POTEC: variants seen among roughly 807,000 people sequenced by gnomAD.
POTEC encodes ANKRD26-like family B member 2.
Under a neutral mutation model 62.0 loss-of-function variants are expected in POTEC, and 35 were observed. That is an observed-to-expected ratio of 0.56 (90% confidence interval 0.43 to 0.75). The LOEUF is 0.75. Among genes scored for constraint, POTEC ranks in the 30% least tolerant of loss-of-function variants. POTEC has a pLI of 0.00. For synonymous variants in POTEC, 156 were observed against 221.5 expected, an observed-to-expected ratio of 0.70 and a Z score of 2.62; for missense variants, 472 against 655.9, an observed-to-expected ratio of 0.72 and a Z score of 3.06.
intron 9 of POTEC, among the ~76,000 whole-genome samples, chr18:14,521,591 T>G (rs990511981): frequency 2.0e-5 from 3 of 152,172 alleles, no homozygotes; most frequent in Non-Finnish European, 4.4e-5. Context: ...TACCTACATA[T>G]CCTTACTATG....
Position 14,507,634 on chromosome 18 carries a change from C to CG in POTEC, c.*4263_*4264insC, listed in dbSNP as rs1262205923. Reference sequence around the variant, plus strand: ...ATCCTGTCATCATGCTGTCAGCTGGCTCTTTTGCAGACTTATGTATGTGGT... The same window carrying CG: ...ATCCTGTCATCATGCTGTCAGCTGGCGTCTTTTGCAGACTTATGTATGTGGT... On this transcript the variant is annotated 3_prime_UTR_variant, in exon 11 of 11. Transcript: ENST00000358970. 2.6e-5 allele frequency: 4 copies of CG among 152,160 alleles called. No homozygotes were observed. Among genetic ancestry groups the CG allele is most frequent in the African/African-American group, 9.6e-5 (4 of 41,502 alleles). 9.4% of individuals were successfully genotyped at this position (152,160 alleles called of 1,614,324 possible).
At position 14,537,208 on chromosome 18, in the gene POTEC, CACAA is replaced by C. The variant is rs1292733916; in HGVS notation, c.810+589_810+592del. Among the ~76,000 whole-genome samples the C allele has an allele frequency of 9.1e-3, 685 of 75,184 alleles. 11 individuals carry two copies. The highest frequency in any genetic ancestry group is 0.053 in the African/African-American group (600 of 11,270). The allele number at this position is 75,184 out of a possible 152,430, so 49.3% of individuals were successfully genotyped here. ...ACACACACACACACACACACACACA[CACAA>C]AAAAAAAAAAAAACAAAAAAAAACC... On this transcript the variant is annotated intron_variant, in intron 3 of 10. Coordinates refer to ENST00000358970, the MANE Select transcript of POTEC (RefSeq NM_001137671.2).
chr18:14,524,554 G>C (rs1381619078), intron 7 of POTEC, among the ~76,000 whole-genome samples: 2 of 152,032 alleles, frequency 1.3e-5, no homozygotes, highest in African/African-American at 4.8e-5. Flanking sequence ...ACAAACAAAG[G>C]TCTGGAATAT....
rs559957616 is a variant in POTEC, at chr18:14,510,984, C to G, written c.*914G>C. 6.6e-6 allele frequency: 1 copy of G among 152,312 alleles called. No individual in the cohort carries two copies. The highest frequency in any genetic ancestry group is 2.1e-4 in the South Asian group (1 of 4,822). The allele number at this position is 152,312 out of a possible 1,614,324, so 9.4% of individuals were successfully genotyped here. A position where few individuals can be genotyped will look rare whatever the true frequency, so the allele number is the denominator to read the frequency against. ...GAGACCCTGGTTGAAAGGCTCCACC[C>G]AGTGATTAGAAATGTGGTTGGGGAC... is the stretch of plus-strand genomic sequence containing the variant. On this transcript the variant is annotated 3_prime_UTR_variant, in exon 11 of 11. Coordinates refer to ENST00000358970, the MANE Select transcript of POTEC (RefSeq NM_001137671.2).
chr18:14,530,641 A>T (rs1905479093), intron 5 of POTEC, 88 bp from the exon 6 acceptor site: 4 of 1,020,366 alleles, frequency 3.9e-6, no homozygotes, highest in Non-Finnish European at 5.5e-6. Flanking sequence ...AGAGTATTTC[A>T]AACAATATCA....
chr18:14,522,481 T>G, intron 8 of POTEC, 61 bp from the exon 9 acceptor site: 1 of 1,495,062 alleles, frequency 6.7e-7, no homozygotes, highest in Non-Finnish European at 8.9e-7. Context: ...ATAACCTTTT[T>G]AATTGATTTT....
chr18:14,525,131 A>C (rs1311609585), intron 6 of POTEC, 148 bp from the exon 7 acceptor site: 6 of 1,265,580 alleles, frequency 4.7e-6, no homozygotes, highest in Non-Finnish European at 6.4e-6. Flanking sequence ...CTTAGGAAAT[A>C]ATTCTCCAAA....
intron 9 of POTEC, among the ~76,000 whole-genome samples, chr18:14,514,254 A>G (rs528674271): frequency 6.6e-6 from 1 of 151,982 alleles, no homozygotes; most frequent in Non-Finnish European, 1.5e-5. Flanking sequence ...ATAGGGTTCA[A>G]GTCACACTCC....
intron 3 of POTEC, among the ~76,000 whole-genome samples, chr18:14,536,370 A>G (rs1437178535): frequency 6.6e-6 from 1 of 151,494 alleles, no homozygotes. Context: ...TCAGTGGTTA[A>G]GCAGGAGTGT....
rs1489208568 is a variant in POTEC at position 14,508,068 on chromosome 18, C to T, written c.*3830G>A. On this transcript the variant is annotated 3_prime_UTR_variant, in exon 11 of 11. Transcript: ENST00000358970. Reference sequence around the variant, plus strand: ...TGGGGATGATCTTCTCATGGCATATCTTACTGAGGTTCTCTGGATTTCCTG... The same window carrying T: ...TGGGGATGATCTTCTCATGGCATATTTTACTGAGGTTCTCTGGATTTCCTG... The T allele has an allele frequency of 6.6e-6, 1 of 152,160 alleles. No homozygotes were observed. Among genetic ancestry groups the T allele is most frequent in the African/African-American group, 2.4e-5 (1 of 41,436 alleles). 9.4% of individuals were successfully genotyped at this position (152,160 alleles called of 1,614,324 possible).
chr18:14,529,888 ACTTTT>A lies in POTEC; in HGVS notation c.1126+590_1126+594del, dbSNP rs778138994. On this transcript the variant is annotated intron_variant, in intron 6 of 10. Transcript: ENST00000358970. ...GTTCTTTTGTGATCAAAAATTCCTT[ACTTTT>A]ATTTTTTTATCTACGGTAGGACCAC... Among the ~76,000 whole-genome samples the A allele has an allele frequency of 6.3e-4, 96 of 152,056 alleles. 1 individual carries two copies. In the East Asian group the frequency reaches 0.017, roughly 28 times the overall value.
chr18:14,534,165 A>G (rs1335184819), intron 4 of POTEC, among the ~76,000 whole-genome samples: 3 of 143,192 alleles, frequency 2.1e-5, no homozygotes, highest in Non-Finnish European at 3.0e-5. Context: ...ATGAGTGAGA[A>G]TATGCGGTGT....
chr18:14,518,228 A>G (rs1264788466), intron 9 of POTEC, among the ~76,000 whole-genome samples: 1 of 151,998 alleles, frequency 6.6e-6, no homozygotes, highest in Admixed American at 6.6e-5. Context: ...AAAAATAAAA[A>G]CCCTATTCAT....
At chr18:14,514,433 C>T (rs1266365816) in intron 9 of POTEC, among the ~76,000 whole-genome samples, 1 of 152,146 alleles carries the variant, frequency 6.6e-6, no homozygotes, top group African/African-American at 2.4e-5. Flanking sequence ...GGTCTGTGGC[C>T]TGGGGATTGG....
chr18:14,542,593 T>C (rs1305149084), intron 1 of POTEC, 33 bp downstream of exon 1: 3 of 1,611,802 alleles, frequency 1.9e-6, no homozygotes, highest in Non-Finnish European at 2.5e-6. Context: ...CATCCCCCCA[T>C]GTCCCGCCTC....
intron 6 of POTEC, chr18:14,529,008 T>C (rs1910510914): frequency 1.5e-5 from 7 of 454,486 alleles, no homozygotes; most frequent in South Asian, 1.1e-4. Flanking sequence ...TCTTGTTGCA[T>C]GTTCCTTCTG....
chr18:14,526,312 T>C (rs1278569698), intron 6 of POTEC, among the ~76,000 whole-genome samples: 1 of 152,146 alleles, frequency 6.6e-6, no homozygotes. Context: ...CACTGATTTT[T>C]CTACTGCACC....
intron 9 of POTEC, 90 bp from the exon 10 acceptor site, chr18:14,513,875 A>T: frequency 6.3e-7 from 1 of 1,590,874 alleles, no homozygotes. Context: ...TCATTCACAC[A>T]ATGCATATCT....
chr18:14,535,887 T>TAAC (rs1333360409), intron 3 of POTEC, among the ~76,000 whole-genome samples: 3 of 152,026 alleles, frequency 2.0e-5, no homozygotes, highest in Admixed American at 6.6e-5. Flanking sequence ...TGGCAGTGAA[T>TAAC]AACTGATGGT....
Sources: gnomAD v4.1 joint callset for allele counts (sites outside exome capture counted in the v4.1 genomes callset) on GRCh38, gnomAD v4.1.1 for gene constraint, MANE v1.5 for transcripts, NCBI Gene and HGNC (gene_info 2026-07-23, HGNC 2026-07-21) for gene names.